Variants in SHISA9 observed in about 807,000 individuals in gnomAD.
SHISA9 encodes the protein protein shisa-9.
SHISA9 carries 13 observed loss-of-function variants against 38.0 expected under a neutral mutation model. The observed-to-expected ratio is 0.34, with a 90% CI of 0.22 to 0.54. The LOEUF (loss-of-function observed/expected upper bound fraction) is 0.54, where lower values mean the gene tolerates loss of function less well. Among genes scored for constraint, SHISA9 ranks in the 20% least tolerant of loss-of-function variants. The pLI is 0.91. For missense variants in SHISA9, 538 were observed against 575.8 expected, an observed-to-expected ratio of 0.93 and a Z score of 0.67; for synonymous variants, 275 against 242.0, an observed-to-expected ratio of 1.14 and a Z score of -1.27.
chr16:13,118,468 GTCT>G (rs1457781320), intron 2 of SHISA9, among the ~76,000 whole-genome samples: 1 of 152,174 alleles, frequency 6.6e-6, no homozygotes, highest in Non-Finnish European at 1.5e-5. Context: ...AGTCATTCTT[GTCT>G]TCTTAATTCC....
At chr16:13,462,823 G>T in the SHISA9 span, among the ~76,000 whole-genome samples, 2 of 151,946 alleles carry the variant, frequency 1.3e-5, no homozygotes, top group African/African-American at 2.4e-5. Context: ...TTAGCCAGGC[G>T]TGGTGGCGGG....
chr16:12,902,330 A>G lies in SHISA9; in HGVS notation c.266A>G (p.Asn89Ser). ...ATGGGCCAGTGGGACCCGCCGTTCA[A>G]CTGCAGCTCGGGCGACTTCATCTTC... ...DVMGQWDPPF[N>S]CSSGDFIFCC... Residue 89 changes from asparagine to serine, a missense_variant, in exon 1 of 5, where the codon AAC becomes AGC. Physicochemically the swap from Asn to Ser is conservative, Grantham distance 46. This residue lies in a region of SHISA9 where 17 missense variants were observed against 57.2 expected (regional missense o/e 0.30). Transcript: ENST00000558583. 1 of 1,551,360 alleles carries G rather than the reference A, an allele frequency of 6.4e-7. No homozygotes were observed. Among genetic ancestry groups the G allele is most frequent in the Non-Finnish European group, 8.7e-7 (1 of 1,146,980 alleles).
At chr16:13,340,141 T>C in the SHISA9 span, among the ~76,000 whole-genome samples, 1 of 152,168 alleles carries the variant, frequency 6.6e-6, no homozygotes, top group African/African-American at 2.4e-5. Flanking sequence ...TTGGGACTAA[T>C]TGACAGCATG....
At chr16:13,225,200 G>A (rs1029308055) in intron 4 of SHISA9, among the ~76,000 whole-genome samples, 5 of 152,200 alleles carry the variant, frequency 3.3e-5, no homozygotes, top group Admixed American at 3.3e-4. Context: ...AGGATTGCCA[G>A]CAACCACCAG....
the SHISA9 span, among the ~76,000 whole-genome samples, chr16:13,446,147 A>G: frequency 6.6e-6 from 1 of 151,812 alleles, no homozygotes; most frequent in Non-Finnish European, 1.5e-5. Context: ...GAGTTTCCCC[A>G]TGCTGGCCAG....
chr16:13,015,907 T>TTTTTCTTTC (rs1555454844), intron 2 of SHISA9, among the ~76,000 whole-genome samples: 1 of 61,644 alleles, frequency 1.6e-5, no homozygotes, highest in Non-Finnish European at 4.2e-5. Flanking sequence ...TCTTTCTTTC[T>TTTTTCTTTC]TTTCTTTCTT....
chr16:12,908,661 G>T (rs1456043928), intron 1 of SHISA9: 64 of 1,543,940 alleles, frequency 4.1e-5, no homozygotes, highest in Non-Finnish European at 5.3e-5. Flanking sequence ...AGATCACAGA[G>T]AAGTACGCGA....
the SHISA9 span, among the ~76,000 whole-genome samples, chr16:13,460,788 G>A: frequency 1.3e-5 from 2 of 152,116 alleles, no homozygotes; most frequent in Non-Finnish European, 2.9e-5. Flanking sequence ...GTCCTAGGTC[G>A]ACTACAGCTG....
intron 2 of SHISA9, among the ~76,000 whole-genome samples, chr16:13,080,740 T>C (rs1229895880): frequency 1.3e-5 from 2 of 152,178 alleles, no homozygotes; most frequent in Non-Finnish European, 1.5e-5. Flanking sequence ...ACTGGAGACA[T>C]AAAATAGCCA....
chr16:13,422,329 C>G, the SHISA9 span, among the ~76,000 whole-genome samples: 3 of 152,122 alleles, frequency 2.0e-5, no homozygotes, highest in Admixed American at 2.0e-4. Context: ...CTTCAACATT[C>G]AAAAGCTATT....
chr16:13,192,562 G>A (rs2050896029), intron 2 of SHISA9, among the ~76,000 whole-genome samples: 1 of 151,952 alleles, frequency 6.6e-6, no homozygotes, highest in African/African-American at 2.4e-5. Context: ...AGGAAGCAGG[G>A]TATTTCTAAT....
chr16:13,501,679 GC>G, the SHISA9 span, among the ~76,000 whole-genome samples: 1 of 152,114 alleles, frequency 6.6e-6, no homozygotes, highest in South Asian at 2.1e-4. Flanking sequence ...CTAGAATGGT[GC>G]CCGGCACATA....
chr16:13,034,992 C>CT (rs1198610766), intron 2 of SHISA9, among the ~76,000 whole-genome samples: 5 of 151,942 alleles, frequency 3.3e-5, no homozygotes, highest in Non-Finnish European at 5.9e-5. Flanking sequence ...TAATAAAATG[C>CT]TTTTTTTAAA....
the SHISA9 span, among the ~76,000 whole-genome samples, chr16:13,554,109 T>C: frequency 2.0e-5 from 3 of 152,104 alleles, no homozygotes; most frequent in African/African-American, 4.8e-5. Flanking sequence ...TCCTTTTTCC[T>C]CTTGGTAATA....
chr16:13,463,467 G>A, the SHISA9 span, among the ~76,000 whole-genome samples: 96 of 152,320 alleles, frequency 6.3e-4, no homozygotes, highest in South Asian at 0.015. Context: ...CTACTCTGAA[G>A]AGTTGCTCGG....
chr16:13,341,850 C>G, the SHISA9 span, among the ~76,000 whole-genome samples: 1 of 152,192 alleles, frequency 6.6e-6, no homozygotes, highest in African/African-American at 2.4e-5. Flanking sequence ...TTAAAAGTAT[C>G]TCAGTCTGCA....
the SHISA9 span, among the ~76,000 whole-genome samples, chr16:13,262,142 C>G: frequency 6.6e-6 from 1 of 152,130 alleles, no homozygotes; most frequent in Non-Finnish European, 1.5e-5. Flanking sequence ...CTCAAATGCC[C>G]CCAAACAATT....
chr16:13,120,899 C>CT (rs1567219189), intron 2 of SHISA9, among the ~76,000 whole-genome samples: 1 of 152,116 alleles, frequency 6.6e-6, no homozygotes. Context: ...GGATTAAGAA[C>CT]TTTTTTTAAG....
chr16:13,139,394 T>TTTCCTTCCTTCC (rs71147783), intron 2 of SHISA9, among the ~76,000 whole-genome samples: 4,090 of 95,004 alleles, frequency 0.043, 166 homozygotes, highest in East Asian at 0.095. Context: ...CCCTTCCTTC[T>TTTCCTTCCTTCC]TTCCTTCCTT....
Sources: allele counts gnomAD v4.1 joint callset (sites outside exome capture counted in the v4.1 genomes callset), GRCh38; gene constraint gnomAD v4.1.1; regional missense constraint gnomAD v4.1.1; transcripts MANE v1.5; gene names NCBI Gene and HGNC (gene_info 2026-07-23, HGNC 2026-07-21).